TDRD5: variants seen among roughly 807,000 people sequenced by gnomAD.
TDRD5 encodes tudor domain-containing protein 5.
A neutral mutation model predicts 120.6 loss-of-function variants in TDRD5; 41 were observed. The ratio of observed to expected loss-of-function variants is 0.34; its 90% confidence interval spans 0.26 to 0.44. The LOEUF (loss-of-function observed/expected upper bound fraction) is 0.44. TDRD5 is among the 20% of genes least tolerant of loss of function. The pLI is 1.00. For missense variants in TDRD5, 1,006 were observed against 1,221.2 expected (o/e 0.82, Z 2.63); for synonymous variants, 430 against 433.7 (o/e 0.99, Z 0.11).
chr1:179,681,759 G>A (rs1388813688), intron 17 of TDRD5, among the ~76,000 whole-genome samples: 4 of 148,786 alleles, frequency 2.7e-5, no homozygotes, highest in East Asian at 2.1e-4. Context: ...GTCACCCTTC[G>A]CCCCGTTTTC....
intron 17 of TDRD5, among the ~76,000 whole-genome samples, chr1:179,678,131 G>C (rs1040677195): frequency 6.6e-6 from 1 of 152,254 alleles, no homozygotes; most frequent in East Asian, 1.9e-4. Context: ...TACACCCCCA[G>C]GGGGATTATG....
rs563686937 is a variant in TDRD5 at position 179,662,353 on chromosome 1, C to A, written c.2505+67C>A. 2.5e-3 allele frequency: 3,821 copies of A among 1,523,224 alleles called. 128 individuals carry two copies. The South Asian group carries it at 0.046, about 18-fold the overall frequency. The allele number at this position is 1,523,224 out of a possible 1,614,324, so 94.4% of individuals were successfully genotyped here. A position where few individuals can be genotyped will look rare whatever the true frequency, so the allele number is the denominator to read the frequency against. On this transcript the variant is annotated intron_variant, in intron 15 of 17. Transcript: ENST00000444136. ...CTGCGGCTCAAGCCTGTAATCCTAG[C>A]AGTTTGGGAGGCCAAGGTGGGTGGA...
intron 4 of TDRD5, among the ~76,000 whole-genome samples, chr1:179,605,023 A>G (rs762936166): frequency 6.6e-6 from 1 of 151,978 alleles, no homozygotes; most frequent in Admixed American, 6.6e-5. Flanking sequence ...TCTTAGGTCT[A>G]TTAGTAATTG....
intron 17 of TDRD5, among the ~76,000 whole-genome samples, 188 bp downstream of exon 17, chr1:179,669,592 T>C (rs1679745555): frequency 6.6e-6 from 1 of 152,266 alleles, no homozygotes; most frequent in African/African-American, 2.4e-5. Context: ...TCTTCTTTTT[T>C]TCTGCACTTT....
chr1:179,613,230 A>G (rs1017251885), intron 4 of TDRD5, among the ~76,000 whole-genome samples: 1 of 152,168 alleles, frequency 6.6e-6, no homozygotes, highest in Non-Finnish European at 1.5e-5. Flanking sequence ...ACTGTAGTTC[A>G]AGAGTATCCT....
rs777146655 is a variant in TDRD5 at position 179,593,715 on chromosome 1, G to T, written c.488G>T (p.Arg163Leu). The T allele has an allele frequency of 6.2e-6, 10 of 1,614,226 alleles. No homozygotes were observed. The highest frequency in any genetic ancestry group is 8.5e-6 in the Non-Finnish European group (10 of 1,180,030). The change falls in exon 3 of 18, where the codon CGA (arginine) becomes CTA (leucine). Residue 163 changes from arginine to leucine, a missense_variant. Arg to Leu is a moderately radical substitution (Grantham distance 102). Around this residue, in one of 3 missense-constraint regions of TDRD5, gnomAD observed 445 missense variants for 515.5 expected, o/e 0.86. Transcript: ENST00000444136. ...FEKAFAKRFGRSFQYMQYGFL... is the reference protein window; with the variant it reads ...FEKAFAKRFGLSFQYMQYGFL... ...AAGGCATTTGCCAAAAGATTTGGACGATCATTCCAATACATGCAATATGGA... is the reference window on the plus strand; with the variant it reads ...AAGGCATTTGCCAAAAGATTTGGACTATCATTCCAATACATGCAATATGGA...
rs1483486436 is a variant in TDRD5, at chr1:179,637,561, A to AGCC, written c.1520+1674_1520+1675insGCC. Reference sequence around the variant, plus strand: ...CAGAAGTTCAAGATTCATCTGGGCAACATAGTGAGACCCTGTATCTACAAA... The same window carrying AGCC: ...CAGAAGTTCAAGATTCATCTGGGCAAGCCCATAGTGAGACCCTGTATCTACAAA... On this transcript the variant is annotated intron_variant, in intron 9 of 17. Transcript: ENST00000444136. 3.3e-5 allele frequency among the ~76,000 whole-genome samples: 5 copies of AGCC among 151,502 alleles called. 1 individual carries two copies. The highest frequency in any genetic ancestry group is 1.2e-4 in the African/African-American group (5 of 40,820).
chr1:179,645,460 G>GA (rs1678303729), intron 11 of TDRD5, among the ~76,000 whole-genome samples: 1 of 152,174 alleles, frequency 6.6e-6, no homozygotes, highest in Non-Finnish European at 1.5e-5. Context: ...TCATCCTCTA[G>GA]ATAGTATCCG....
chr1:179,594,260 G>A (rs1026036740), intron 3 of TDRD5, among the ~76,000 whole-genome samples: 3 of 152,126 alleles, frequency 2.0e-5, no homozygotes, highest in South Asian at 2.1e-4. Context: ...TAAATTATTA[G>A]CCTTAACCCT....
chr1:179,617,729 G>A (rs1676634735), intron 4 of TDRD5, among the ~76,000 whole-genome samples: 1 of 151,946 alleles, frequency 6.6e-6, no homozygotes, highest in Non-Finnish European at 1.5e-5. Context: ...ACTGGACCTT[G>A]GCTAAATGGA....
At chr1:179,667,661 G>T (rs2147774367) in intron 16 of TDRD5, among the ~76,000 whole-genome samples, 1 of 152,296 alleles carries the variant, frequency 6.6e-6, no homozygotes, top group South Asian at 2.1e-4. Context: ...TTAAAAGGTA[G>T]TTCAAGTATA....
At chr1:179,664,432 CAAAA>C (rs1161256765) in intron 16 of TDRD5, among the ~76,000 whole-genome samples, 2 of 151,766 alleles carry the variant, frequency 1.3e-5, no homozygotes, top group East Asian at 1.9e-4. Flanking sequence ...ATCACGCTCT[CAAAA>C]AAAACCACCC....
intron 11 of TDRD5, among the ~76,000 whole-genome samples, chr1:179,644,715 ATGTATT>A (rs1050588546): frequency 3.9e-4 from 60 of 152,132 alleles, no homozygotes; most frequent in African/African-American, 1.1e-3. Context: ...CATTCCAAAT[ATGTATT>A]TGTATCTTTT....
At chr1:179,647,144 T>G (rs1678421811) in intron 11 of TDRD5, among the ~76,000 whole-genome samples, 1 of 148,306 alleles carries the variant, frequency 6.7e-6, no homozygotes, top group Non-Finnish European at 1.5e-5. Context: ...CATCGCCAAG[T>G]CAATCCTGAG....
At chr1:179,647,405 A>T (rs917472662) in intron 11 of TDRD5, among the ~76,000 whole-genome samples, 2 of 151,964 alleles carry the variant, frequency 1.3e-5, no homozygotes, top group Non-Finnish European at 2.9e-5. Context: ...CATATGTAGA[A>T]AGCTGAAACT....
At chr1:179,600,377 C>A (rs1675641672) in intron 4 of TDRD5, among the ~76,000 whole-genome samples, 1 of 152,124 alleles carries the variant, frequency 6.6e-6, no homozygotes, top group African/African-American at 2.4e-5. Context: ...TTACAGTTAC[C>A]TATAGTATTC....
chr1:179,669,074 TTTTA>T (rs1679719259), intron 16 of TDRD5, 116 bp from the exon 17 acceptor site: 3 of 1,001,776 alleles, frequency 3.0e-6, no homozygotes, highest in African/African-American at 3.3e-5. Context: ...AAGTGAGTAG[TTTTA>T]TTTATTTATT....
In TDRD5 at chr1:179,669,392, C is replaced by A; in HGVS notation, c.2848C>A (p.Pro950Thr). ...TGCAGTGGATGATTCCGCAGAAAAG[C>A]CCTCTGGTTCTGGTATGTTTGTGTG... The part of the protein sequence containing the change: ...TTAVDDSAEK[P>T]SGSVESSPEI... The change falls in exon 17 of 18, where the codon CCC (proline) becomes ACC (threonine). Residue 950 changes from proline (P) to threonine (T), a missense_variant. Pro to Thr is a conservative substitution (Grantham distance 38). Transcript: ENST00000444136. 1 of 1,614,080 alleles carries A rather than the reference C, an allele frequency of 6.2e-7. No homozygotes were observed. Among genetic ancestry groups the A allele is most frequent in the Non-Finnish European group, 8.5e-7 (1 of 1,179,960 alleles).
At chr1:179,676,706 T>G (rs1680163732) in intron 17 of TDRD5, among the ~76,000 whole-genome samples, 1 of 152,266 alleles carries the variant, frequency 6.6e-6, no homozygotes, top group Non-Finnish European at 1.5e-5. Flanking sequence ...AGATTTCTGC[T>G]GAGAAATCTG....
Sources: allele counts gnomAD v4.1 joint callset (sites outside exome capture counted in the v4.1 genomes callset), GRCh38; gene constraint gnomAD v4.1.1; regional missense constraint gnomAD v4.1.1; transcripts MANE v1.5; gene names NCBI Gene and HGNC (gene_info 2026-07-23, HGNC 2026-07-21).